Variants in SLC34A1 observed in about 807,000 individuals in gnomAD.
SLC34A1 encodes solute carrier family 34 member 1.
Under a neutral mutation model 51.4 loss-of-function variants are expected in SLC34A1, and 57 were observed. That is an observed-to-expected ratio of 1.11 (90% CI 0.90 to 1.38). SLC34A1 has a LOEUF of 1.38. Among genes scored for constraint, SLC34A1 ranks in the 40% most tolerant of loss-of-function variants. The probability of loss-of-function intolerance (pLI) is 0.00; values close to 1 mark genes in which losing one functional copy is unlikely to be tolerated. For missense variants in SLC34A1, 796 were observed against 835.6 expected, an observed-to-expected ratio of 0.95 and a Z score of 0.58; for synonymous variants, 368 against 358.0, an observed-to-expected ratio of 1.03 and a Z score of -0.32.
At chr5:177,390,931 T>C (rs1050924263) in intron 8 of SLC34A1, among the ~76,000 whole-genome samples, 3 of 152,176 alleles carry the variant, frequency 2.0e-5, no homozygotes, top group Non-Finnish European at 4.4e-5. Context: ...ATTATGGACT[T>C]CATGCTGCAG....
rs769025647 is a variant in SLC34A1 at position 177,394,019 on chromosome 5, C to T, written c.1007-9C>T. Reference sequence around the variant, plus strand: ...TGGGGTCAGCTGTCAGGAGCTCCACCCCCTGCAGGCAACCACATCTTTGTG... The same window carrying T: ...TGGGGTCAGCTGTCAGGAGCTCCACTCCCTGCAGGCAACCACATCTTTGTG... On this transcript the variant is annotated splice_polypyrimidine_tract_variant and intron_variant, in intron 9 of 12. Transcript: ENST00000324417. The T allele has an allele frequency of 5.6e-6, 9 of 1,613,808 alleles. No homozygotes were observed. The highest frequency in any genetic ancestry group is 5.0e-5 in the Admixed American group (3 of 60,006).
intron 5 of SLC34A1, among the ~76,000 whole-genome samples, chr5:177,387,381 C>T (rs1561627988): frequency 1.3e-5 from 2 of 152,090 alleles, no homozygotes; most frequent in African/African-American, 4.8e-5. Context: ...GGCGACAGAG[C>T]GAGACTCTGT....
chr5:177,389,535 T>C (rs1762727695), intron 8 of SLC34A1: 2 of 1,459,156 alleles, frequency 1.4e-6, no homozygotes, highest in African/African-American at 1.4e-5. Context: ...CGGGCAGCTT[T>C]TACGCTGACT....
rs1762946249 is a variant in SLC34A1 at position 177,396,147 on chromosome 5, A to G, written c.1175-586A>G. ...GACAAGTACTAGAATAAGGGGTATC[A>G]TGGGGCTGTGGGAGCTCAGAGAAGG... On this transcript the variant is annotated intron_variant, in intron 10 of 12. Coordinates refer to ENST00000324417, the MANE Select transcript of SLC34A1 (RefSeq NM_003052.5). The surrounding 1 kb of genome is among the most constrained non-coding windows in gnomAD (Gnocchi z 4.0). Among the ~76,000 whole-genome samples, 1 of 152,166 alleles carries G rather than the reference A, an allele frequency of 6.6e-6. No individual in the cohort carries two copies. Among genetic ancestry groups the G allele is most frequent in the Non-Finnish European group, 1.5e-5 (1 of 68,024 alleles).
chr5:177,385,897 C>G, intron 2 of SLC34A1, 47 bp downstream of exon 2: 1 of 1,610,520 alleles, frequency 6.2e-7, no homozygotes, highest in Admixed American at 1.7e-5. Context: ...CACGGTTGCC[C>G]ACATCCCGGA....
chr5:177,394,479 G>A (rs1054275472), intron 10 of SLC34A1, among the ~76,000 whole-genome samples: 1 of 152,196 alleles, frequency 6.6e-6, no homozygotes, highest in South Asian at 2.1e-4. Flanking sequence ...CAAGGGAGGT[G>A]TAGTGCCAGG....
chr5:177,384,449 T>A lies in SLC34A1; in HGVS notation c.-86T>A, dbSNP rs990385813. On this transcript the variant is annotated 5_prime_UTR_variant, in exon 1 of 13. In the 5' UTR this introduces an upstream ATG that the reference lacks. Coordinates refer to ENST00000324417, the MANE Select transcript of SLC34A1 (RefSeq NM_003052.5). ...TCTCCTCAGGGTCCTGGAGGCTTCA[T>A]TGAGCTGCTGAGCAGAAGCTGAAAC... 4 of 152,148 alleles carry A rather than the reference T, an allele frequency of 2.6e-5. No homozygotes were observed. The highest frequency in any genetic ancestry group is 9.7e-5 in the African/African-American group (4 of 41,362). 9.4% of individuals were successfully genotyped at this position (152,148 alleles called of 1,614,324 possible).
rs776336316 is a variant in SLC34A1, at chr5:177,388,007, G to A, written c.658G>A (p.Ala220Thr). 1 of 1,613,036 alleles carries A rather than the reference G, an allele frequency of 6.2e-7. No individual in the cohort carries two copies. The highest frequency in any genetic ancestry group is 1.1e-5 in the South Asian group (1 of 91,076). ...RTDFRRAFAG[A>T]TVHDCFNWLS... Reference sequence around the variant, plus strand: ...CTCCCTGCCCAGGGCCTTCGCGGGGGCCACGGTGCATGACTGCTTTAACTG... The same window carrying A: ...CTCCCTGCCCAGGGCCTTCGCGGGGACCACGGTGCATGACTGCTTTAACTG... The change falls in exon 7 of 13, where the codon GCC becomes ACC. Residue 220 changes from alanine (A) to threonine (T), a missense_variant. Ala to Thr is a moderately conservative substitution (Grantham distance 58, BLOSUM62 0). Transcript: ENST00000324417. The surrounding 1 kb of genome is among the most constrained non-coding windows in gnomAD (Gnocchi z 4.3).
intron 8 of SLC34A1, chr5:177,389,626 CT>C: frequency 6.5e-7 from 1 of 1,537,248 alleles, no homozygotes; most frequent in Non-Finnish European, 8.7e-7. Context: ...CCACAAGCCT[CT>C]CTACTTCATA....
At position 177,398,340 on chromosome 5, in the gene SLC34A1, G is replaced by A. The variant is rs1703400239; in HGVS notation, c.*54G>A. On this transcript the variant is annotated 3_prime_UTR_variant, in exon 13 of 13. Transcript: ENST00000324417. This position sits in a 1 kb window ranked among gnomAD's most constrained non-coding sequence, Gnocchi z 4.7. Reference sequence around the variant, plus strand: ...GGGGAAGGCCTGGGGTGGAAAGGCAGGGGAGGGAGGGTGTGTGTAGGTATG... The same window carrying A: ...GGGGAAGGCCTGGGGTGGAAAGGCAAGGGAGGGAGGGTGTGTGTAGGTATG... 6.3e-7 allele frequency: 1 copy of A among 1,592,070 alleles called. No homozygotes were observed. The highest frequency in any genetic ancestry group is 1.3e-5 in the African/African-American group (1 of 74,892).
Position 177,397,802 on chromosome 5 carries a change from T to C in SLC34A1, c.1436T>C (p.Phe479Ser), listed in dbSNP as rs761427733. 8 of 1,611,456 alleles carry C rather than the reference T, an allele frequency of 5.0e-6. No homozygotes were observed. In the South Asian group the frequency reaches 7.7e-5, roughly 15 times the overall value. The change falls in exon 13 of 13, where the codon TTC (phenylalanine) becomes TCC (serine). Residue 479 changes from phenylalanine (F) to serine (S), a missense_variant. By Grantham distance (155) the Phe-to-Ser change is radical. Coordinates refer to ENST00000324417, the MANE Select transcript of SLC34A1 (RefSeq NM_003052.5). The stretch of plus-strand genomic sequence containing the variant: ...CTGCAGATTGCCCTCTGTCACTTCT[T>C]CTTCAACATCTCGGGTATCCTTCTG... ...SAFQIALCHF[F>S]FNISGILLWY...
chr5:177,390,666 C>G (rs1232966423), intron 8 of SLC34A1, among the ~76,000 whole-genome samples: 1 of 151,860 alleles, frequency 6.6e-6, no homozygotes, highest in African/African-American at 2.4e-5. Flanking sequence ...AGAAGTTCTC[C>G]TTTTCGCCAC....
chr5:177,398,608 C>T lies in SLC34A1; in HGVS notation c.*322C>T, dbSNP rs1207384393. ...TGGGTATGATTTCAGGTCCTCTGCA[C>T]GTGTACACATGACTAGGATAGGCAG... On this transcript the variant is annotated 3_prime_UTR_variant, in exon 13 of 13. Coordinates refer to ENST00000324417, the MANE Select transcript of SLC34A1 (RefSeq NM_003052.5). The surrounding 1 kb of genome is among the most constrained non-coding windows in gnomAD (Gnocchi z 4.7). 9 of 480,274 alleles carry T rather than the reference C, an allele frequency of 1.9e-5. No individual in the cohort carries two copies. Among genetic ancestry groups the T allele is most frequent in the Admixed American group, 1.0e-4 (3 of 29,846 alleles). 29.8% of individuals were successfully genotyped at this position (480,274 alleles called of 1,614,324 possible).
In SLC34A1 at chr5:177,384,879, A is replaced by G. The variant is rs1360019195; in HGVS notation, c.-48+392A>G. Among the ~76,000 whole-genome samples, 8 of 148,676 alleles carry G rather than the reference A, an allele frequency of 5.4e-5. No individual in the cohort carries two copies. The South Asian group carries it at 1.7e-3, about 32-fold the overall frequency. ...CTCCATCTCAAAAAAAAAAAAAAAA[A>G]GGACTCCTGCTCCTTCAGGACTTGA... On this transcript the variant is annotated intron_variant, in intron 1 of 12. Coordinates refer to ENST00000324417, the MANE Select transcript of SLC34A1 (RefSeq NM_003052.5).
At chr5:177,392,623 C>T (rs1053377154) in intron 8 of SLC34A1, among the ~76,000 whole-genome samples, 2 of 152,040 alleles carry the variant, frequency 1.3e-5, no homozygotes, top group African/African-American at 2.4e-5. Context: ...TTGTTGCTTT[C>T]GGGAGTTTTT....
chr5:177,385,019 C>G (rs1474948445), intron 1 of SLC34A1, among the ~76,000 whole-genome samples: 1 of 152,098 alleles, frequency 6.6e-6, no homozygotes, highest in Non-Finnish European at 1.5e-5. Flanking sequence ...AGTGCGGGGA[C>G]AAGGGGGGGC....
Position 177,386,067 on chromosome 5 carries a change from T to C in SLC34A1, c.190T>C (p.Cys64Arg), listed in dbSNP as rs1762555331. 6.2e-7 allele frequency: 1 copy of C among 1,611,558 alleles called. No homozygotes were observed. Residue 64 changes from cysteine to arginine, a missense_variant, in exon 3 of 13, where the codon TGT becomes CGT. Transcript: ENST00000324417. This position sits in a 1 kb window ranked among gnomAD's most constrained non-coding sequence, Gnocchi z 4.8. ...GGCCCTTGCTGAGCACACCTGCCCC[T>C]GTGGGGAGGTCCTGGAGCGCCATGA... ...PVALAEHTCP[C>R]GEVLERHEPL...
chr5:177,389,515 A>C, intron 8 of SLC34A1: 4 of 1,287,294 alleles, frequency 3.1e-6, no homozygotes, highest in Non-Finnish European at 4.2e-6. Context: ...TACATAAAAA[A>C]AAACCCCTGC....
In SLC34A1 at chr5:177,385,228, C is replaced by T. The variant is rs142401328; in HGVS notation, c.-47-467C>T. On this transcript the variant is annotated intron_variant, in intron 1 of 12. Transcript: ENST00000324417. ...GCAAAACTGAAGCCCGGCCCAGCCC[C>T]AGCCCACACCTGCAGCCACTGCCAA... Among the ~76,000 whole-genome samples the T allele has an allele frequency of 2.3e-3, 353 of 152,300 alleles. 1 individual carries two copies. The highest frequency in any genetic ancestry group is 4.0e-3 in the Non-Finnish European group (270 of 68,016).
Sources: gnomAD v4.1 joint callset for allele counts (sites outside exome capture counted in the v4.1 genomes callset) on GRCh38, gnomAD v4.1.1 for gene constraint, Gnocchi (gnomAD v3.1) non-coding constraint, MANE v1.5 for transcripts, NCBI Gene and HGNC (gene_info 2026-07-23, HGNC 2026-07-21) for gene names.